PLCB4: variants seen among roughly 807,000 people sequenced by gnomAD.
PLCB4 encodes phospholipase C beta 4, also known as 1-phosphatidylinositol 4,5-bisphosphate phosphodiesterase beta-4.
A neutral mutation model predicts 178.8 loss-of-function variants in PLCB4; 77 were observed. That is an observed-to-expected ratio of 0.43 (90% CI 0.36 to 0.52). The LOEUF (loss-of-function observed/expected upper bound fraction) is 0.52, where lower values mean the gene tolerates loss of function less well. PLCB4 is among the 20% of genes least tolerant of loss of function. The pLI, the probability that PLCB4 is intolerant of heterozygous loss-of-function variation, is 0.00. For synonymous variants in PLCB4, 496 were observed against 490.8 expected, an observed-to-expected ratio of 1.01 and a Z score of -0.14; for missense variants, 1,024 against 1,453.4, an observed-to-expected ratio of 0.70 and a Z score of 4.80.
chr20:9,401,194 T>C (rs182799175), intron 19 of PLCB4, among the ~76,000 whole-genome samples: 101 of 152,298 alleles, frequency 6.6e-4, no homozygotes, highest in African/African-American at 2.4e-3. Context: ...TTAGAATTAG[T>C]ATACTAGAAT....
chr20:9,307,894 A>C lies in PLCB4; in HGVS notation c.80A>C (p.Glu27Ala). The C allele has an allele frequency of 7.2e-7, 1 of 1,380,642 alleles. No individual in the cohort carries two copies. The highest frequency in any genetic ancestry group is 1.2e-5 in the South Asian group (1 of 83,094). The allele number at this position is 1,380,642 out of a possible 1,614,324, so 85.5% of individuals were successfully genotyped here. A position where few individuals can be genotyped will look rare whatever the true frequency, so the allele number is the denominator to read the frequency against. Residue 27 changes from glutamate to alanine, a missense_variant, in exon 4 of 40, where the codon GAG (glutamate) becomes GCG (alanine). This residue lies in a region of PLCB4 where 225 missense variants were observed against 291.0 expected (regional missense o/e 0.77). Coordinates refer to ENST00000378473, the MANE Select transcript of PLCB4 (RefSeq NM_001377142.1). ...LQEGAVFDRY[E>A]EESFVFEPNC... is the part of the protein sequence containing the mutation. ...GAAGGAGCAGTTTTTGACAGATACG[A>C]GGAGGTAAAGAAGTGTTATTAATCT...
chr20:9,324,916 A>C (rs954237384), intron 4 of PLCB4, among the ~76,000 whole-genome samples: 1 of 152,240 alleles, frequency 6.6e-6, no homozygotes, highest in Non-Finnish European at 1.5e-5. Context: ...ATATATTTAA[A>C]GGGAAGTTCC....
In PLCB4 at chr20:9,189,896, C is replaced by T. The variant is rs974011683; in HGVS notation, c.-78-27494C>T. Among the ~76,000 whole-genome samples, 4 of 152,146 alleles carry T rather than the reference C, an allele frequency of 2.6e-5. 1 individual carries two copies. Among genetic ancestry groups the T allele is most frequent in the South Asian group, 4.1e-4 (2 of 4,820 alleles). On this transcript the variant is annotated intron_variant, in intron 2 of 39. Coordinates refer to ENST00000378473, the MANE Select transcript of PLCB4 (RefSeq NM_001377142.1). ...CTCCTAAAGGCCCCACTTCTTAATA[C>T]TGTTACACTAGGGATTAGGTGTCAA... is the stretch of plus-strand genomic sequence containing the variant.
chr20:9,074,201 TGAG>T (rs1180110095), intron 1 of PLCB4, among the ~76,000 whole-genome samples: 1 of 152,082 alleles, frequency 6.6e-6, no homozygotes, highest in Non-Finnish European at 1.5e-5. Context: ...ATCTGTAAAA[TGAG>T]GAGAATAACC....
chr20:9,135,445 G>T (rs1421393839), intron 2 of PLCB4, among the ~76,000 whole-genome samples: 1 of 152,086 alleles, frequency 6.6e-6, no homozygotes. Context: ...GAGGAATGAG[G>T]TGGTGAAATG....
chr20:9,145,578 G>A (rs1023115384), intron 2 of PLCB4, among the ~76,000 whole-genome samples: 6 of 151,754 alleles, frequency 4.0e-5, no homozygotes, highest in African/African-American at 7.3e-5. Context: ...TTGAGGTTGG[G>A]CAGGGGAGAG....
intron 12 of PLCB4, among the ~76,000 whole-genome samples, chr20:9,377,392 C>T (rs1009877736): frequency 3.3e-5 from 5 of 152,098 alleles, no homozygotes; most frequent in African/African-American, 1.2e-4. Flanking sequence ...TCTACTGCAG[C>T]CTTATTACTG....
intron 7 of PLCB4, among the ~76,000 whole-genome samples, chr20:9,348,380 T>C (rs1402512402): frequency 6.6e-6 from 1 of 152,214 alleles, no homozygotes; most frequent in Non-Finnish European, 1.5e-5. Flanking sequence ...TGATTCTGAT[T>C]AACTGGGAGT....
At chr20:9,220,660 A>G (rs1001750793) in intron 3 of PLCB4, among the ~76,000 whole-genome samples, 1 of 152,214 alleles carries the variant, frequency 6.6e-6, no homozygotes, top group Non-Finnish European at 1.5e-5. Flanking sequence ...TTAATTATAT[A>G]CAGAATTTAT....
At chr20:9,167,049 A>T (rs988002684) in intron 2 of PLCB4, among the ~76,000 whole-genome samples, 4 of 152,126 alleles carry the variant, frequency 2.6e-5, no homozygotes, top group African/African-American at 9.7e-5. Context: ...CTTTTTATAA[A>T]ATTTTCCTAA....
At chr20:9,072,847 A>G (rs2089639727) in intron 1 of PLCB4, among the ~76,000 whole-genome samples, 1 of 152,206 alleles carries the variant, frequency 6.6e-6, no homozygotes, top group Middle Eastern at 3.2e-3. Context: ...TTTTCCCTGC[A>G]TGCACTTCGT....
chr20:9,470,361 C>T (rs2044103995), intron 36 of PLCB4, among the ~76,000 whole-genome samples: 1 of 151,800 alleles, frequency 6.6e-6, no homozygotes, highest in South Asian at 2.1e-4. Flanking sequence ...AAATGTCATT[C>T]TCTGGATGTT....
chr20:9,113,956 G>A (rs1275235131), intron 2 of PLCB4, among the ~76,000 whole-genome samples: 1 of 152,324 alleles, frequency 6.6e-6, no homozygotes, highest in South Asian at 2.1e-4. Context: ...GCTCACGCCT[G>A]TAATCCCAGC....
intron 3 of PLCB4, among the ~76,000 whole-genome samples, chr20:9,232,330 G>A (rs922819604): frequency 6.6e-6 from 1 of 152,040 alleles, no homozygotes; most frequent in African/African-American, 2.4e-5. Context: ...TGTAATGCAA[G>A]GCATCATTAC....
At chr20:9,087,513 C>T (rs2090487802) in intron 1 of PLCB4, among the ~76,000 whole-genome samples, 1 of 152,208 alleles carries the variant, frequency 6.6e-6, no homozygotes, top group Middle Eastern at 3.4e-3. Context: ...AAACATAGTA[C>T]AATGTAAATC....
intron 3 of PLCB4, among the ~76,000 whole-genome samples, chr20:9,297,065 A>G (rs1006987156): frequency 6.6e-6 from 1 of 152,150 alleles, no homozygotes. Flanking sequence ...TAATATGTCA[A>G]AAACAAATTC....
At chr20:9,174,950 C>G (rs2093129309) in intron 2 of PLCB4, among the ~76,000 whole-genome samples, 1 of 152,168 alleles carries the variant, frequency 6.6e-6, no homozygotes, top group Non-Finnish European at 1.5e-5. Flanking sequence ...GACATTTTCT[C>G]TTTTGACCTG....
chr20:9,335,760 A>G (rs66738594), intron 4 of PLCB4, among the ~76,000 whole-genome samples: 10,812 of 152,238 alleles, frequency 0.071, 419 homozygotes, highest in Middle Eastern at 0.1. Context: ...ACTGGGTTTT[A>G]ACTCCTAAAG....
intron 2 of PLCB4, among the ~76,000 whole-genome samples, chr20:9,169,157 G>A (rs1245160887): frequency 6.6e-6 from 1 of 152,084 alleles, no homozygotes; most frequent in African/African-American, 2.4e-5. Flanking sequence ...AGCTCCCTGT[G>A]AATTTAAATA....
Sources: allele counts gnomAD v4.1 joint callset (sites outside exome capture counted in the v4.1 genomes callset), GRCh38; gene constraint gnomAD v4.1.1; regional missense constraint gnomAD v4.1.1; transcripts MANE v1.5; gene names NCBI Gene and HGNC (gene_info 2026-07-23, HGNC 2026-07-21).